Variants in CADPS observed in about 807,000 individuals in gnomAD.
CADPS encodes the protein calcium-dependent secretion activator 1.
A neutral mutation model predicts 167.3 loss-of-function variants in CADPS; 57 were observed. That is an observed-to-expected ratio of 0.34 (90% CI 0.28 to 0.42). The LOEUF (loss-of-function observed/expected upper bound fraction) is 0.42. Among genes scored for constraint, CADPS ranks in the 20% least tolerant of loss-of-function variants. CADPS has a pLI of 1.00. For missense variants in CADPS, 1,414 were observed against 1,738.1 expected (o/e 0.81, Z 3.32); for synonymous variants, 676 against 635.3 (o/e 1.06, Z -0.96).
At chr3:62,462,343 C>T (rs981974348) in intron 26 of CADPS, among the ~76,000 whole-genome samples, 2 of 152,228 alleles carry the variant, frequency 1.3e-5, no homozygotes, top group Non-Finnish European at 2.9e-5. Flanking sequence ...CCTCCCTCCT[C>T]CCTCCAGCTC....
At chr3:62,641,229 G>T (rs1380274428) in intron 6 of CADPS, among the ~76,000 whole-genome samples, 1 of 152,190 alleles carries the variant, frequency 6.6e-6, no homozygotes, top group Non-Finnish European at 1.5e-5. Context: ...GGATGCTGTT[G>T]CCTGCAGAAG....
chr3:62,544,767 A>T lies in CADPS; in HGVS notation c.1966+5136T>A. ...CAAATTCTAGACATGAGGAAGATTTAAGGGGGAGGGAAGCACATTGCAGGT... is the reference window on the plus strand; with the variant it reads ...CAAATTCTAGACATGAGGAAGATTTTAGGGGGAGGGAAGCACATTGCAGGT... On this transcript the variant is annotated intron_variant, in intron 11 of 29. Coordinates refer to ENST00000383710, the MANE Select transcript of CADPS (RefSeq NM_003716.4). The surrounding 1 kb of genome is among the most constrained non-coding windows in gnomAD (Gnocchi z 4.4). 2 of 646,528 alleles carry T rather than the reference A, an allele frequency of 3.1e-6. No homozygotes were observed. Among genetic ancestry groups the T allele is most frequent in the Non-Finnish European group, 4.1e-6 (2 of 486,830 alleles). 40.0% of individuals were successfully genotyped at this position (646,528 alleles called of 1,614,324 possible).
chr3:62,652,865 C>T (rs1310796079), intron 4 of CADPS, among the ~76,000 whole-genome samples: 1 of 151,994 alleles, frequency 6.6e-6, no homozygotes, highest in African/African-American at 2.4e-5. Flanking sequence ...TCAGTAATTC[C>T]CCCACCCACT....
intron 3 of CADPS, among the ~76,000 whole-genome samples, chr3:62,730,140 T>C (rs758893882): frequency 4.0e-5 from 6 of 149,472 alleles, no homozygotes; most frequent in Admixed American, 6.6e-5. Context: ...ACGGTCTTCT[T>C]TGTAGCCATT....
At chr3:62,645,044 G>A (rs76905955) in intron 6 of CADPS, among the ~76,000 whole-genome samples, 2,750 of 152,156 alleles carry the variant, frequency 0.018, 74 homozygotes, top group African/African-American at 0.062. Context: ...AATGTATTAT[G>A]TAACATACTA....
chr3:62,688,504 G>A (rs1049160565), intron 3 of CADPS, among the ~76,000 whole-genome samples: 2 of 152,054 alleles, frequency 1.3e-5, no homozygotes, highest in African/African-American at 4.8e-5. Flanking sequence ...ATGTGCCACT[G>A]CAAACAGGAA....
intron 3 of CADPS, among the ~76,000 whole-genome samples, chr3:62,676,623 G>A (rs1052461119): frequency 6.6e-6 from 1 of 152,094 alleles, no homozygotes; most frequent in Non-Finnish European, 1.5e-5. Flanking sequence ...ATTATTGTCG[G>A]TGTTGATGGT....
At position 62,874,694 on chromosome 3, in the gene CADPS, C is replaced by T. The variant is rs1364370382; in HGVS notation, c.336G>A (p.Glu112=). 1 of 1,552,876 alleles carries T rather than the reference C, an allele frequency of 6.4e-7. No homozygotes were observed. Among genetic ancestry groups the T allele is most frequent in the South Asian group, 1.2e-5 (1 of 84,228 alleles). Residue 112 remains glutamate (E), a synonymous_variant, in exon 1 of 30, where the codon GAG becomes GAA. Coordinates refer to ENST00000383710, the MANE Select transcript of CADPS (RefSeq NM_003716.4). The surrounding 1 kb of genome is among the most constrained non-coding windows in gnomAD (Gnocchi z 7.1). ...KEELERLQKE[E]EERKKRLQLY... is the part of the protein sequence containing the mutation. ...GCTGCAGCCTCTTCTTCCTCTCCTC[C>T]TCCTCTTTCTGCAGCCGCTCCAACT... is the stretch of plus-strand genomic sequence containing the variant.
At chr3:62,408,331 G>T (rs756383230) in intron 28 of CADPS, among the ~76,000 whole-genome samples, 28 of 152,076 alleles carry the variant, frequency 1.8e-4, no homozygotes, top group Admixed American at 3.3e-4. Context: ...CACTAATTTT[G>T]ATTTTATAAA....
chr3:62,845,631 G>A (rs1186577580), intron 1 of CADPS, among the ~76,000 whole-genome samples: 1 of 152,062 alleles, frequency 6.6e-6, no homozygotes, highest in African/African-American at 2.4e-5. Flanking sequence ...TGAAGGTTTT[G>A]GCATGTGATT....
intron 6 of CADPS, among the ~76,000 whole-genome samples, chr3:62,608,351 C>T (rs1051855921): frequency 6.6e-5 from 10 of 151,264 alleles, no homozygotes; most frequent in Middle Eastern, 3.2e-3. Flanking sequence ...GGCACAATCT[C>T]GGCTCACGTC....
chr3:62,403,053 A>G (rs750421851), intron 29 of CADPS, 28 bp downstream of exon 29: 1 of 1,411,280 alleles, frequency 7.1e-7, no homozygotes, highest in Non-Finnish European at 1.0e-6. Context: ...AGCTATTTGC[A>G]AAGAAGAATA....
intron 6 of CADPS, among the ~76,000 whole-genome samples, chr3:62,624,097 C>T (rs2063612206): frequency 6.6e-6 from 1 of 152,124 alleles, no homozygotes; most frequent in South Asian, 2.1e-4. Context: ...AATACAACGT[C>T]CAGGACTGCC....
intron 9 of CADPS, among the ~76,000 whole-genome samples, chr3:62,559,074 T>C (rs988528207): frequency 6.6e-6 from 1 of 152,180 alleles, no homozygotes; most frequent in Non-Finnish European, 1.5e-5. Flanking sequence ...AGAGAATTAA[T>C]TGAGTTTTAC....
intron 1 of CADPS, among the ~76,000 whole-genome samples, chr3:62,794,591 A>G (rs2093235071): frequency 6.6e-6 from 1 of 152,152 alleles, no homozygotes; most frequent in South Asian, 2.1e-4. Flanking sequence ...AAATAATCAT[A>G]ATCAGTAAAT....
intron 3 of CADPS, among the ~76,000 whole-genome samples, chr3:62,689,837 G>A (rs1039674): frequency 0.87 from 132,674 of 151,762 alleles, 58,157 homozygotes; most frequent in East Asian, 0.98. Context: ...GGGAGGATGG[G>A]TAAGATTTCA....
Position 62,489,003 on chromosome 3 carries a change from A to G in CADPS, c.3026+2336T>C, listed in dbSNP as rs185487360. Among the ~76,000 whole-genome samples the G allele has an allele frequency of 4.8e-3, 726 of 152,292 alleles. 8 individuals are homozygous for G. Among genetic ancestry groups the G allele is most frequent in the African/African-American group, 0.017 (697 of 41,548 alleles). ...TGCAGACCTTTAAATTGCCCATGCA[A>G]GAGTTCAAATTTTTTTTTAATTGGT... On this transcript the variant is annotated intron_variant, in intron 21 of 29. Transcript: ENST00000383710.
At chr3:62,811,881 G>C (rs924076015) in intron 1 of CADPS, among the ~76,000 whole-genome samples, 8 of 152,172 alleles carry the variant, frequency 5.3e-5, no homozygotes, top group African/African-American at 1.7e-4. Context: ...AAACTTTACA[G>C]ATACTAGTAT....
chr3:62,844,083 A>T (rs141431971), intron 1 of CADPS, among the ~76,000 whole-genome samples: 41 of 152,306 alleles, frequency 2.7e-4, no homozygotes, highest in Non-Finnish European at 2.9e-5. Flanking sequence ...TATTATTGTT[A>T]TGCTGTTTAA....
Sources: gnomAD v4.1 joint callset for allele counts (sites outside exome capture counted in the v4.1 genomes callset) on GRCh38, gnomAD v4.1.1 for gene constraint, Gnocchi (gnomAD v3.1) non-coding constraint, MANE v1.5 for transcripts, NCBI Gene and HGNC (gene_info 2026-07-23, HGNC 2026-07-21) for gene names.